SEC14L2: variants seen among roughly 807,000 people sequenced by gnomAD.
The protein encoded by SEC14L2 is SEC14-like protein 2.
SEC14L2 carries 50 observed loss-of-function variants against 56.9 expected under a neutral mutation model. The observed-to-expected ratio is 0.88, with a 90% CI of 0.70 to 1.11. The LOEUF (loss-of-function observed/expected upper bound fraction) is 1.11. SEC14L2 is among the 50% of genes most tolerant of loss of function. The pLI is 0.00. For missense variants in SEC14L2, 414 were observed against 500.7 expected, an observed-to-expected ratio of 0.83 and a Z score of 1.65; for synonymous variants, 179 against 188.5, an observed-to-expected ratio of 0.95 and a Z score of 0.41.
At chr22:30,415,492 C>T (rs549971231) in intron 8 of SEC14L2, among the ~76,000 whole-genome samples, 16 of 152,150 alleles carry the variant, frequency 1.1e-4, no homozygotes, top group Non-Finnish European at 2.1e-4. Context: ...CCAGGCAGGG[C>T]AAGAATGTCA....
intron 9 of SEC14L2, 25 bp from the exon 10 acceptor site, chr22:30,415,923 A>G (rs1282417621): frequency 1.9e-5 from 30 of 1,614,054 alleles, no homozygotes; most frequent in Non-Finnish European, 2.5e-5. Flanking sequence ...TGCACATTCC[A>G]GTTCACTCCA....
At chr22:30,409,580 A>C (rs748465304) in intron 7 of SEC14L2, 94 bp downstream of exon 7, 54 of 1,143,974 alleles carry the variant, frequency 4.7e-5, no homozygotes, top group Non-Finnish European at 7.0e-5. Flanking sequence ...GAGCCAAAAG[A>C]GGGGGTCTGA....
chr22:30,415,947 G>T lies in SEC14L2; in HGVS notation c.772-1G>T. On this transcript the variant is annotated splice_acceptor_variant, in intron 9 of 11. Transcript: ENST00000615189. LOFTEE classifies it high-confidence loss of function. ...CAGTTCACTCCATGCCATGCTTCTA[G>T]ATCAACTACGGGGGTGACATCCCCA... The T allele has an allele frequency of 6.2e-7, 1 of 1,614,204 alleles. No homozygotes were observed. Among genetic ancestry groups the T allele is most frequent in the Non-Finnish European group, 8.5e-7 (1 of 1,180,030 alleles).
Position 30,397,258 on chromosome 22 carries a change from G to A in SEC14L2, c.54+88G>A. ...CGAGAAGGGACGGGGCTGGGTGGGGGCCGAGGGTCCGTGGCGGGCGGCGGA... is the reference window on the plus strand; with the variant it reads ...CGAGAAGGGACGGGGCTGGGTGGGGACCGAGGGTCCGTGGCGGGCGGCGGA... On this transcript the variant is annotated intron_variant, in intron 1 of 11. Transcript: ENST00000615189. 12 of 1,215,850 alleles carry A rather than the reference G, an allele frequency of 9.9e-6. No individual in the cohort carries two copies. The South Asian group carries it at 1.8e-4, about 18-fold the overall frequency. 75.3% of individuals were successfully genotyped at this position (1,215,850 alleles called of 1,614,324 possible).
intron 2 of SEC14L2, among the ~76,000 whole-genome samples, chr22:30,404,378 C>A (rs957306877): frequency 6.6e-6 from 1 of 152,090 alleles, no homozygotes; most frequent in Non-Finnish European, 1.5e-5. Flanking sequence ...CCTATGGGCC[C>A]AGGAGAAGGG....
rs577712237 is a variant in SEC14L2 at position 30,413,430 on chromosome 22, G to T, written c.665-2329G>T. Among the ~76,000 whole-genome samples, 3 of 152,224 alleles carry T rather than the reference G, an allele frequency of 2.0e-5. No homozygotes were observed. In the South Asian group the frequency reaches 6.2e-4, roughly 32 times the overall value. On this transcript the variant is annotated intron_variant, in intron 8 of 11. Transcript: ENST00000615189. ...GGAGGGAGAAAAGGCTAGAAAGGTA[G>T]ATTGGGCATCCAGGTGTGGTGGCTC...
chr22:30,413,103 TTA>T (rs1934295873), intron 8 of SEC14L2, among the ~76,000 whole-genome samples: 1 of 151,744 alleles, frequency 6.6e-6, no homozygotes, highest in Non-Finnish European at 1.5e-5. Flanking sequence ...GATTTGGGAG[TTA>T]TCAAATAACA....
intron 11 of SEC14L2, among the ~76,000 whole-genome samples, chr22:30,419,624 C>T (rs1396852848): frequency 6.6e-6 from 1 of 152,158 alleles, no homozygotes; most frequent in South Asian, 2.1e-4. Flanking sequence ...GGTTCTAAAT[C>T]GTAAAGACCA....
chr22:30,399,594 C>A (rs753428382), intron 1 of SEC14L2, 49 bp from the exon 2 acceptor site: 1 of 1,415,694 alleles, frequency 7.1e-7, no homozygotes, highest in South Asian at 1.2e-5. Flanking sequence ...AGGCAGAGGG[C>A]AGCAGTCAGG....
Position 30,416,752 on chromosome 22 carries a change from G to A in SEC14L2, c.1081+349G>A. 5.4e-6 allele frequency: 7 copies of A among 1,303,760 alleles called. No individual in the cohort carries two copies. In the South Asian group the frequency reaches 1.3e-4, roughly 24 times the overall value. 80.8% of individuals were successfully genotyped at this position (1,303,760 alleles called of 1,614,324 possible). ...GGGATGCTCCTTCCCAGAGGTCACA[G>A]AGACAGAACTGGCTGGGTGGGCATG... On this transcript the variant is annotated intron_variant, in intron 11 of 11. Coordinates refer to ENST00000615189, the MANE Select transcript of SEC14L2 (RefSeq NM_012429.5).
rs573621325 is a variant in SEC14L2, at chr22:30,421,970, T to C, written c.1082-307T>C. On this transcript the variant is annotated intron_variant, in intron 11 of 11. Coordinates refer to ENST00000615189, the MANE Select transcript of SEC14L2 (RefSeq NM_012429.5). Reference sequence around the variant, plus strand: ...TTCAAAGTCCAGTTCAAGCTCTAACTCCTTTAAAAAGCGTTTCACATGATT... The same window carrying C: ...TTCAAAGTCCAGTTCAAGCTCTAACCCCTTTAAAAAGCGTTTCACATGATT... Among the ~76,000 whole-genome samples the C allele has an allele frequency of 2.6e-5, 4 of 152,298 alleles. No homozygotes were observed. In the South Asian group the frequency reaches 8.3e-4, roughly 32 times the overall value.
intron 11 of SEC14L2, among the ~76,000 whole-genome samples, chr22:30,420,181 G>A (rs1042120217): frequency 1.8e-4 from 28 of 151,950 alleles, no homozygotes; most frequent in Non-Finnish European, 3.1e-4. Flanking sequence ...TTGAACTCCC[G>A]GCCTCAGGTG....
In SEC14L2 at chr22:30,407,482, A is replaced by T; in HGVS notation, c.302A>T (p.Asp101Val). 1 of 1,614,174 alleles carries T rather than the reference A, an allele frequency of 6.2e-7. No homozygotes were observed. Among genetic ancestry groups the T allele is most frequent in the Non-Finnish European group, 8.5e-7 (1 of 1,180,034 alleles). The stretch of plus-strand genomic sequence containing the variant: ...CTGGATGGCTGCCCAGTCTGGTACG[A>T]CATAATTGGACCTCTGGATGCCAAG... ...YDLDGCPVWY[D>V]IIGPLDAKGL... The change falls in exon 5 of 12, where the codon GAC (aspartate) becomes GTC (valine). Residue 101 changes from aspartate (D) to valine (V), a missense_variant. Coordinates refer to ENST00000615189, the MANE Select transcript of SEC14L2 (RefSeq NM_012429.5).
At chr22:30,399,558 C>A (rs897394968) in intron 1 of SEC14L2, 85 bp from the exon 2 acceptor site, 1 of 776,784 alleles carries the variant, frequency 1.3e-6, no homozygotes, top group Non-Finnish European at 2.0e-6. Flanking sequence ...AAGAGGCGTC[C>A]AGCAAAGATC....
In SEC14L2 at chr22:30,422,483, C is replaced by T; in HGVS notation, c.*76C>T. 6.3e-7 allele frequency: 1 copy of T among 1,578,102 alleles called. No individual in the cohort carries two copies. The highest frequency in any genetic ancestry group is 2.2e-5 in the East Asian group (1 of 44,554). On this transcript the variant is annotated 3_prime_UTR_variant, in exon 12 of 12. Coordinates refer to ENST00000615189, the MANE Select transcript of SEC14L2 (RefSeq NM_012429.5). ...CTACCCCTTGTAGCAGTCATTTTCG[C>T]ACAACCCTGAAGCCCAAAGAAACTG... is the stretch of plus-strand genomic sequence containing the variant.
At chr22:30,412,572 G>A (rs7290317) in intron 8 of SEC14L2, among the ~76,000 whole-genome samples, 29,511 of 151,906 alleles carry the variant, frequency 0.19, 3,116 homozygotes, top group South Asian at 0.4. Flanking sequence ...CAAACACTTT[G>A]TGAGTGTTTG....
chr22:30,423,037 C>T lies in SEC14L2; in HGVS notation c.*630C>T, dbSNP rs1439955571. 6.5e-6 allele frequency: 1 copy of T among 152,690 alleles called. No homozygotes were observed. The highest frequency in any genetic ancestry group is 2.4e-5 in the African/African-American group (1 of 41,450). 9.5% of individuals were successfully genotyped at this position (152,690 alleles called of 1,614,324 possible). On this transcript the variant is annotated 3_prime_UTR_variant, in exon 12 of 12. Coordinates refer to ENST00000615189, the MANE Select transcript of SEC14L2 (RefSeq NM_012429.5). Reference sequence around the variant, plus strand: ...AACTCCTGGGCCACACGGCCTGCCTCTTTGATTACTAATGATTGTCAGTGA... The same window carrying T: ...AACTCCTGGGCCACACGGCCTGCCTTTTTGATTACTAATGATTGTCAGTGA...
chr22:30,424,516 A>G lies in SEC14L2; in HGVS notation c.*2109A>G. On this transcript the variant is annotated 3_prime_UTR_variant, in exon 12 of 12. Coordinates refer to ENST00000615189, the MANE Select transcript of SEC14L2 (RefSeq NM_012429.5). Reference sequence around the variant, plus strand: ...TTGATGAAAATAAGAGCTAATTCTTAATAAGGCCTACCGGGTATCACGCAA... The same window carrying G: ...TTGATGAAAATAAGAGCTAATTCTTGATAAGGCCTACCGGGTATCACGCAA... 1 of 346,104 alleles carries G rather than the reference A, an allele frequency of 2.9e-6. No homozygotes were observed. The highest frequency in any genetic ancestry group is 2.2e-5 in the South Asian group (1 of 45,790). The allele number at this position is 346,104 out of a possible 1,614,324, so 21.4% of individuals were successfully genotyped here.
At chr22:30,417,855 C>T (rs924217423) in intron 11 of SEC14L2, among the ~76,000 whole-genome samples, 2 of 152,026 alleles carry the variant, frequency 1.3e-5, no homozygotes, top group African/African-American at 4.8e-5. Flanking sequence ...TTGCCTCCTT[C>T]CTCACATCCC....
Sources: allele counts gnomAD v4.1 joint callset (sites outside exome capture counted in the v4.1 genomes callset), GRCh38; gene constraint gnomAD v4.1.1; transcripts MANE v1.5; gene names NCBI Gene and HGNC (gene_info 2026-07-23, HGNC 2026-07-21).